The following TOX2 variants were observed in gnomAD, a reference collection of about 807,000 sequenced individuals.
The protein encoded by TOX2 is TOX high mobility group box family member 2.
Under a neutral mutation model 47.4 loss-of-function variants are expected in TOX2, and 15 were observed. That is an observed-to-expected ratio of 0.32 (90% CI 0.21 to 0.49). The LOEUF (loss-of-function observed/expected upper bound fraction) is 0.49, where lower values mean the gene tolerates loss of function less well. Ranked by LOEUF, TOX2 falls within the 20% of genes least tolerant of loss-of-function variation. The pLI, the probability that TOX2 is intolerant of heterozygous loss-of-function variation, is 0.99. For synonymous variants in TOX2, 290 were observed against 296.6 expected, an observed-to-expected ratio of 0.98 and a Z score of 0.23; for missense variants, 622 against 673.1, an observed-to-expected ratio of 0.92 and a Z score of 0.84.
At position 44,005,387 on chromosome 20, in the gene TOX2, A is replaced by G. The variant is rs73282665; in HGVS notation, c.166-1160A>G. On this transcript the variant is annotated intron_variant, in intron 2 of 8. Coordinates refer to ENST00000341197, the MANE Select transcript of TOX2 (RefSeq NM_001098797.2). ...CCAGTTGACACACCTCTTTTCTGCT[A>G]GGTCTAATCTGTTCCAGAGTGTAGA... 3.2e-3 allele frequency among the ~76,000 whole-genome samples: 489 copies of G among 152,316 alleles called. 4 individuals are homozygous for G. The highest frequency in any genetic ancestry group is 0.011 in the African/African-American group (457 of 41,558).
rs2071511151 is a variant in TOX2, at chr20:44,051,524, G to A, written c.630G>A (p.Glu210=). 1.2e-6 allele frequency: 2 copies of A among 1,600,824 alleles called. No homozygotes were observed. Among genetic ancestry groups the A allele is most frequent in the Non-Finnish European group, 1.7e-6 (2 of 1,171,260 alleles). ...CTCCCTCCAGCTCCACTCAGGAAGA[G>A]GAGTCGGAAGTGCATTTCAAGGTAT... is the stretch of plus-strand genomic sequence containing the variant. ...TPSPSSSTQE[E]ESEVHFKISG... The change falls in exon 4 of 9, where the codon GAG becomes GAA. Residue 210 remains glutamate, a synonymous_variant. Coordinates refer to ENST00000341197, the MANE Select transcript of TOX2 (RefSeq NM_001098797.2).
At chr20:43,946,826 C>T (rs746136519) in intron 1 of TOX2, among the ~76,000 whole-genome samples, 11 of 152,204 alleles carry the variant, frequency 7.2e-5, no homozygotes, top group African/African-American at 1.9e-4. Context: ...GGGTTGGGGG[C>T]GGGGCTTGTT....
chr20:44,069,214 G>C lies in TOX2; in HGVS notation c.*528G>C, dbSNP rs1161832691. 2 of 241,480 alleles carry C rather than the reference G, an allele frequency of 8.3e-6. No homozygotes were observed. Among genetic ancestry groups the C allele is most frequent in the Admixed American group, 1.0e-4 (2 of 19,456 alleles). The allele number at this position is 241,480 out of a possible 1,614,324, so 15.0% of individuals were successfully genotyped here. A position where few individuals can be genotyped will look rare whatever the true frequency, so the allele number is the denominator to read the frequency against. ...GAAGACATCTGTAAGACTATTTTGTGGGGGAAAAAAGTAGTTTCCTTTAAG... is the reference window on the plus strand; with the variant it reads ...GAAGACATCTGTAAGACTATTTTGTCGGGGAAAAAAGTAGTTTCCTTTAAG... On this transcript the variant is annotated 3_prime_UTR_variant, in exon 9 of 9. Transcript: ENST00000341197.
In TOX2 at chr20:44,006,627, C is replaced by T. The variant is rs754123621; in HGVS notation, c.246C>T (p.Leu82=). The change falls in exon 3 of 9, where the codon CTC becomes CTT. Residue 82 remains leucine (L), a synonymous_variant. Coordinates refer to ENST00000341197, the MANE Select transcript of TOX2 (RefSeq NM_001098797.2). ...CTCCCAACCTCCCGGAGCCATCCCT[C>T]CTGCACCTGGGGGACCACGAAGCCA... is the stretch of plus-strand genomic sequence containing the variant. ...ITPPNLPEPS[L]LHLGDHEASY... 1.7e-5 allele frequency: 27 copies of T among 1,614,168 alleles called. No individual in the cohort carries two copies. Among genetic ancestry groups the T allele is most frequent in the Middle Eastern group, 1.6e-4 (1 of 6,062 alleles).
intron 3 of TOX2, among the ~76,000 whole-genome samples, chr20:44,038,667 G>T (rs1018352568): frequency 1.3e-5 from 2 of 152,082 alleles, no homozygotes; most frequent in African/African-American, 4.8e-5. Flanking sequence ...CCGCCTTCCT[G>T]GGCTGAGTGT....
intron 2 of TOX2, among the ~76,000 whole-genome samples, chr20:43,990,153 A>T (rs2070343694): frequency 6.6e-6 from 1 of 152,228 alleles, no homozygotes; most frequent in Non-Finnish European, 1.5e-5. Flanking sequence ...AAATTCATGT[A>T]TGAAAAGTAC....
intron 1 of TOX2, among the ~76,000 whole-genome samples, chr20:43,966,772 TG>T (rs2069861602): frequency 7.4e-6 from 1 of 135,696 alleles, no homozygotes; most frequent in African/African-American, 2.8e-5. Flanking sequence ...AAAAAAAAAG[TG>T]GGGGCACTGG....
chr20:44,053,433 GAT>G lies in TOX2; in HGVS notation c.652-860_652-859del, dbSNP rs144334824. ...GATTGTGCTCACAAGTGGGAGGGCA[GAT>G]ATATACACACACACACACACACACA... On this transcript the variant is annotated intron_variant, in intron 4 of 8. Transcript: ENST00000341197. 4.5e-3 allele frequency among the ~76,000 whole-genome samples: 444 copies of G among 98,152 alleles called. 3 individuals carry two copies. Among genetic ancestry groups the G allele is most frequent in the African/African-American group, 0.012 (385 of 30,920 alleles). 64.4% of individuals were successfully genotyped at this position (98,152 alleles called of 152,430 possible). A position where few individuals can be genotyped will look rare whatever the true frequency, so the allele number is the denominator to read the frequency against.
intron 1 of TOX2, among the ~76,000 whole-genome samples, chr20:43,930,129 C>T (rs1484822071): frequency 6.6e-6 from 1 of 152,124 alleles, no homozygotes; most frequent in African/African-American, 2.4e-5. Context: ...CATTGCATCC[C>T]CATGGTGTCT....
At chr20:43,928,511 A>T (rs1176036915) in intron 1 of TOX2, among the ~76,000 whole-genome samples, 1 of 152,228 alleles carries the variant, frequency 6.6e-6, no homozygotes, top group Non-Finnish European at 1.5e-5. Flanking sequence ...GACCTGGATT[A>T]CGTCCTTCAG....
At chr20:44,000,925 G>T (rs1240043211) in intron 2 of TOX2, among the ~76,000 whole-genome samples, 2 of 152,036 alleles carry the variant, frequency 1.3e-5, no homozygotes, top group Non-Finnish European at 2.9e-5. Flanking sequence ...GCCAGATGAA[G>T]ACTGAGCATT....
intron 2 of TOX2, among the ~76,000 whole-genome samples, chr20:43,986,501 C>T (rs1190275024): frequency 2.0e-5 from 3 of 152,012 alleles, no homozygotes; most frequent in South Asian, 2.1e-4. Context: ...AGGCTGGTCT[C>T]GAACTCCTGA....
At chr20:43,945,653 A>G in intron 1 of TOX2, 1 of 441,786 alleles carries the variant, frequency 2.3e-6, no homozygotes, top group South Asian at 2.1e-5. Context: ...GCCGCGCTGT[A>G]CTTAGGGGCT....
rs1158838911 is a variant in TOX2 at position 43,915,538 on chromosome 20, C to A, written c.99+548C>A. On this transcript the variant is annotated intron_variant, in intron 1 of 8. Coordinates refer to ENST00000341197, the MANE Select transcript of TOX2 (RefSeq NM_001098797.2). The surrounding 1 kb of genome is among the most constrained non-coding windows in gnomAD (Gnocchi z 7.1). ...AGCCACAACGCCTCACCCAGGCGCA[C>A]GCTGTCACACACAGCCACCCCCCTG... Among the ~76,000 whole-genome samples the A allele has an allele frequency of 6.6e-6, 1 of 152,184 alleles. No individual in the cohort carries two copies. Among genetic ancestry groups the A allele is most frequent in the African/African-American group, 2.4e-5 (1 of 41,448 alleles).
intron 1 of TOX2, among the ~76,000 whole-genome samples, chr20:43,929,645 C>G (rs141928767): frequency 8.2e-4 from 125 of 152,304 alleles, no homozygotes; most frequent in African/African-American, 2.8e-3. Flanking sequence ...ACCTGCTCAT[C>G]TGTGCAGTTG....
At chr20:44,057,737 C>CTT (rs1163956302) in intron 5 of TOX2, among the ~76,000 whole-genome samples, 1 of 152,086 alleles carries the variant, frequency 6.6e-6, no homozygotes, top group African/African-American at 2.4e-5. Context: ...ATTTATTCAA[C>CTT]TTATGATTCT....
chr20:44,028,530 C>T (rs372833163), intron 3 of TOX2, among the ~76,000 whole-genome samples: 16 of 152,354 alleles, frequency 1.1e-4, no homozygotes, highest in Admixed American at 8.5e-4. Context: ...TCAGCCCTCA[C>T]ACTTTTATTA....
chr20:43,955,386 G>T (rs2069650334), intron 1 of TOX2: 8 of 851,728 alleles, frequency 9.4e-6, no homozygotes, highest in Non-Finnish European at 1.1e-5. Context: ...TGGTTTCTTG[G>T]CAGCCAGTGT....
chr20:44,027,343 G>A (rs760290647), intron 3 of TOX2, among the ~76,000 whole-genome samples: 7 of 152,128 alleles, frequency 4.6e-5, no homozygotes, highest in East Asian at 1.9e-4. Context: ...ATGTTTCCCC[G>A]TCATGCGGAG....
Sources: allele counts gnomAD v4.1 joint callset (sites outside exome capture counted in the v4.1 genomes callset), GRCh38; gene constraint gnomAD v4.1.1; non-coding constraint Gnocchi (gnomAD v3.1); transcripts MANE v1.5; gene names NCBI Gene and HGNC (gene_info 2026-07-23, HGNC 2026-07-21).